Variants in STAMBP observed in about 807,000 individuals in gnomAD.
STAMBP encodes the protein STAM binding protein.
Under a neutral mutation model 50.7 loss-of-function variants are expected in STAMBP, and 31 were observed. That is an observed-to-expected ratio of 0.61 (90% confidence interval 0.46 to 0.83). The LOEUF is 0.83. STAMBP is among the 40% of genes least tolerant of loss of function. STAMBP has a pLI of 0.00. For missense variants in STAMBP, 472 were observed against 518.9 expected (o/e 0.91, Z 0.88); for synonymous variants, 211 against 192.4 (o/e 1.10, Z -0.80).
At chr2:73,840,878 A>G (rs1357860529) in intron 2 of STAMBP, among the ~76,000 whole-genome samples, 1 of 152,164 alleles carries the variant, frequency 6.6e-6, no homozygotes, top group Non-Finnish European at 1.5e-5. Context: ...TTAATTTACA[A>G]TCTTGCTAAC....
At chr2:73,856,753 T>A (rs1309451923) in intron 7 of STAMBP, among the ~76,000 whole-genome samples, 1 of 152,202 alleles carries the variant, frequency 6.6e-6, no homozygotes, top group Non-Finnish European at 1.5e-5. Context: ...GCAGGAAATA[T>A]CAACAAACAA....
At position 73,850,592 on chromosome 2, in the gene STAMBP, AAAG is replaced by A; in HGVS notation, c.1005+80_1005+82del. On this transcript the variant is annotated intron_variant, in intron 7 of 9. Coordinates refer to ENST00000394070, the MANE Select transcript of STAMBP (RefSeq NM_213622.4). This position sits in a 1 kb window ranked among gnomAD's most constrained non-coding sequence, Gnocchi z 4.3. ...TAAATACATGAGTGTTTCTTTGAACAAAGTCAATTATATCCAGATTATTTATTG... is the reference window on the plus strand; with the variant it reads ...TAAATACATGAGTGTTTCTTTGAACATCAATTATATCCAGATTATTTATTG... 1 of 1,431,268 alleles carries A rather than the reference AAAG, an allele frequency of 7.0e-7. No homozygotes were observed. Among genetic ancestry groups the A allele is most frequent in the Non-Finnish European group, 9.4e-7 (1 of 1,064,312 alleles). 88.7% of individuals were successfully genotyped at this position (1,431,268 alleles called of 1,614,324 possible). A position where few individuals can be genotyped will look rare whatever the true frequency, so the allele number is the denominator to read the frequency against.
intron 2 of STAMBP, among the ~76,000 whole-genome samples, chr2:73,834,229 AAAAAAAAATATATATATATAT>A (rs1419616055): frequency 3.0e-4 from 6 of 20,142 alleles, no homozygotes; most frequent in African/African-American, 1.1e-3. Flanking sequence ...AAAAAAAAAA[AAAAAAAAATATATATATATAT>A]ATATATATAT....
At chr2:73,843,776 A>G (rs1343454321) in intron 2 of STAMBP, among the ~76,000 whole-genome samples, 53 of 152,236 alleles carry the variant, frequency 3.5e-4, no homozygotes, top group Admixed American at 3.5e-3. Context: ...TTCTTCTTCC[A>G]ATTACTTCTG....
At chr2:73,845,298 C>CT (rs748645326) in intron 4 of STAMBP, 36 bp downstream of exon 4, 7 of 1,419,752 alleles carry the variant, frequency 4.9e-6, no homozygotes, top group Admixed American at 1.8e-5. Flanking sequence ...AATTATTTTG[C>CT]TTTTTTAGGC....
chr2:73,840,952 CAGGTATAATT>C (rs1405028693), intron 2 of STAMBP, among the ~76,000 whole-genome samples: 1 of 152,070 alleles, frequency 6.6e-6, no homozygotes. Flanking sequence ...ATTTCTCTAC[CAGGTATAATT>C]AACCTTTACG....
chr2:73,830,337 G>T lies in STAMBP; in HGVS notation c.-12-508G>T, dbSNP rs114704452. Among the ~76,000 whole-genome samples, 173 of 152,280 alleles carry T rather than the reference G, an allele frequency of 1.1e-3. 1 individual carries two copies. Among genetic ancestry groups the T allele is most frequent in the African/African-American group, 4.0e-3 (168 of 41,560 alleles). On this transcript the variant is annotated intron_variant, in intron 1 of 9. Coordinates refer to ENST00000394070, the MANE Select transcript of STAMBP (RefSeq NM_213622.4). ...TCACCTTGTGCTCAAATATGAAAAAGGATACCACAGAAAATGTCAGTTACT... is the reference window on the plus strand; with the variant it reads ...TCACCTTGTGCTCAAATATGAAAAATGATACCACAGAAAATGTCAGTTACT...
intron 8 of STAMBP, among the ~76,000 whole-genome samples, chr2:73,859,717 TAAA>T (rs996556029): frequency 6.7e-6 from 1 of 149,910 alleles, no homozygotes; most frequent in South Asian, 2.1e-4. Context: ...AAAAATATAA[TAAA>T]AAAATAAAAA....
intron 2 of STAMBP, among the ~76,000 whole-genome samples, chr2:73,843,769 T>A (rs1675732096): frequency 2.6e-5 from 4 of 152,264 alleles, no homozygotes; most frequent in African/African-American, 7.2e-5. Context: ...TTGAGGATTC[T>A]TCTTCCAATT....
At chr2:73,830,574 G>A (rs1234375635) in intron 1 of STAMBP, among the ~76,000 whole-genome samples, 1 of 152,232 alleles carries the variant, frequency 6.6e-6, no homozygotes, top group Non-Finnish European at 1.5e-5. Flanking sequence ...TGAACCTTTG[G>A]TTGGTCCACT....
At chr2:73,868,916 A>G (rs1234716954), downstream of STAMBP, among the ~76,000 whole-genome samples, 2 of 152,204 alleles carry the variant, frequency 1.3e-5, no homozygotes, top group African/African-American at 4.8e-5. Flanking sequence ...CTTCGTTAAC[A>G]TGATAAAATA....
At chr2:73,858,349 G>A (rs1677855657) in intron 7 of STAMBP, among the ~76,000 whole-genome samples, 1 of 151,816 alleles carries the variant, frequency 6.6e-6, no homozygotes, top group South Asian at 2.1e-4. Flanking sequence ...ATGTTGGCCA[G>A]GCTGGTCTCA....
chr2:73,832,339 C>T (rs569000367), intron 2 of STAMBP, among the ~76,000 whole-genome samples: 2 of 151,548 alleles, frequency 1.3e-5, no homozygotes, highest in African/African-American at 4.8e-5. Flanking sequence ...CCTGTAATCC[C>T]AGCTACTTGG....
intron 2 of STAMBP, among the ~76,000 whole-genome samples, chr2:73,840,154 G>T (rs553001157): frequency 6.6e-6 from 1 of 152,080 alleles, no homozygotes; most frequent in East Asian, 1.9e-4. Flanking sequence ...TGACTGTGTT[G>T]TTCACTGCCA....
At chr2:73,852,982 A>C (rs1161839155) in intron 7 of STAMBP, among the ~76,000 whole-genome samples, 1 of 146,382 alleles carries the variant, frequency 6.8e-6, no homozygotes, top group Admixed American at 6.9e-5. Context: ...GGGTTTCACT[A>C]TGTTGGCCAG....
At chr2:73,833,252 T>C (rs564142111) in intron 2 of STAMBP, among the ~76,000 whole-genome samples, 6 of 152,350 alleles carry the variant, frequency 3.9e-5, no homozygotes, top group South Asian at 4.1e-4. Context: ...CTAACTCTTA[T>C]GTTAAGTTAC....
intron 2 of STAMBP, among the ~76,000 whole-genome samples, chr2:73,836,413 C>G (rs1027925461): frequency 8.5e-5 from 13 of 152,230 alleles, no homozygotes; most frequent in African/African-American, 2.7e-4. Flanking sequence ...CCCGTGGTGC[C>G]CGCGCTGCCC....
Position 73,849,789 on chromosome 2 carries a change from A to T in STAMBP, c.867+302A>T, listed in dbSNP as rs76172511. 0.037 allele frequency among the ~76,000 whole-genome samples: 5,630 copies of T among 152,272 alleles called. 151 individuals carry two copies. Among genetic ancestry groups the T allele is most frequent in the Non-Finnish European group, 0.056 (3,785 of 68,006 alleles). On this transcript the variant is annotated intron_variant, in intron 6 of 9. Coordinates refer to ENST00000394070, the MANE Select transcript of STAMBP (RefSeq NM_213622.4). ...TTTATGGTAGGACCTGGGAATATAA[A>T]ATATGTAAAGCACATAGTATGTGTC...
chr2:73,834,229 AAAAAAAAATATATATATATATATATAT>A (rs1674373900), intron 2 of STAMBP, among the ~76,000 whole-genome samples: 2 of 20,132 alleles, frequency 9.9e-5, no homozygotes, highest in African/African-American at 3.6e-4. Flanking sequence ...AAAAAAAAAA[AAAAAAAAATATATATATATATATATAT>A]ATATATATAT....
Sources: gnomAD v4.1 joint callset for allele counts (sites outside exome capture counted in the v4.1 genomes callset) on GRCh38, gnomAD v4.1.1 for gene constraint, Gnocchi (gnomAD v3.1) non-coding constraint, MANE v1.5 for transcripts, NCBI Gene and HGNC (gene_info 2026-07-23, HGNC 2026-07-21) for gene names.